DNAJC9: variants seen among roughly 807,000 people sequenced by gnomAD.
The protein encoded by DNAJC9 is dnaJ homolog subfamily C member 9.
A neutral mutation model predicts 32.4 loss-of-function variants in DNAJC9; 18 were observed. The observed-to-expected ratio is 0.56, with a 90% CI of 0.38 to 0.82. The LOEUF is 0.82. Among genes scored for constraint, DNAJC9 ranks in the 40% least tolerant of loss-of-function variants. The pLI, the probability that DNAJC9 is intolerant of heterozygous loss-of-function variation, is 0.00. For synonymous variants in DNAJC9, 113 were observed against 122.1 expected (o/e 0.93, Z 0.49); for missense variants, 310 against 321.8 (o/e 0.96, Z 0.28).
At chr10:73,243,821 G>A (rs771547794) in intron 4 of DNAJC9, 22 bp downstream of exon 4, 1 of 1,595,464 alleles carries the variant, frequency 6.3e-7, no homozygotes, top group South Asian at 1.1e-5. Context: ...TTAAAGATGT[G>A]GCAACAAACT....
At chr10:73,239,470 C>T, downstream of DNAJC9, 1 of 960,168 alleles carries the variant, frequency 1.0e-6, no homozygotes, top group Non-Finnish European at 1.6e-6. Flanking sequence ...CCTATTTCCC[C>T]TTCTTTCAGA....
At chr10:73,245,693 T>C (rs927727271) in intron 3 of DNAJC9, among the ~76,000 whole-genome samples, 2 of 152,228 alleles carry the variant, frequency 1.3e-5, no homozygotes, top group African/African-American at 4.8e-5. Context: ...GCTACTTTAC[T>C]ATGGTAATAT....
At chr10:73,246,653 G>GT (rs1384960011) in intron 2 of DNAJC9, 35 bp downstream of exon 2, 5 of 1,610,634 alleles carry the variant, frequency 3.1e-6, no homozygotes, top group East Asian at 2.2e-5. Context: ...TTGAATGATG[G>GT]TAACAGTCAC....
downstream of DNAJC9, chr10:73,235,449 A>G (rs1589195703): frequency 2.1e-6 from 3 of 1,457,208 alleles, no homozygotes; most frequent in East Asian, 7.5e-5. Context: ...TCCAACAATA[A>G]AAAGTGTTAT....
downstream of DNAJC9, chr10:73,241,139 T>C (rs2043943637): frequency 1.4e-6 from 1 of 702,226 alleles, no homozygotes; most frequent in Non-Finnish European, 2.5e-6. Flanking sequence ...TCATGAAGAG[T>C]GATTTTGGCA....
At chr10:73,236,856 C>T (rs2043835135), downstream of DNAJC9, among the ~76,000 whole-genome samples, 1 of 151,918 alleles carries the variant, frequency 6.6e-6, no homozygotes, top group African/African-American at 2.4e-5. Context: ...GCTGGGACTA[C>T]AGGCACATGC....
downstream of DNAJC9, among the ~76,000 whole-genome samples, chr10:73,238,313 C>A (rs575550191): frequency 6.6e-6 from 1 of 152,224 alleles, no homozygotes; most frequent in Non-Finnish European, 1.5e-5. Flanking sequence ...TGCCATTGCA[C>A]TCCAACCTGG....
intron 3 of DNAJC9, among the ~76,000 whole-genome samples, chr10:73,245,313 C>G (rs549172416): frequency 6.6e-5 from 10 of 152,122 alleles, no homozygotes; most frequent in South Asian, 4.1e-4. Context: ...GAGAATCTAA[C>G]GCCCGATGAT....
chr10:73,239,218 A>G (rs2043889807), downstream of DNAJC9: 4 of 1,044,808 alleles, frequency 3.8e-6, no homozygotes, highest in East Asian at 1.1e-4. Context: ...GCCTTTTACC[A>G]CTGTTGATTT....
intron 4 of DNAJC9, 143 bp downstream of exon 4, chr10:73,243,700 C>A: frequency 1.8e-6 from 2 of 1,112,156 alleles, no homozygotes; most frequent in Non-Finnish European, 1.3e-6. Flanking sequence ...CACTTAAAAC[C>A]ACCAAATTGT....
At chr10:73,246,547 T>A in intron 2 of DNAJC9, 141 bp downstream of exon 2, 1 of 917,834 alleles carries the variant, frequency 1.1e-6, no homozygotes, top group Non-Finnish European at 1.7e-6. Flanking sequence ...TAAGCGTGCG[T>A]GTATCTGTAT....
intron 4 of DNAJC9, 35 bp from the exon 5 acceptor site, chr10:73,243,554 A>T: frequency 6.2e-7 from 1 of 1,613,402 alleles, no homozygotes. Context: ...CTTTCACAAC[A>T]TTATCCATAG....
At chr10:73,244,883 G>A (rs2043989867) in intron 3 of DNAJC9, among the ~76,000 whole-genome samples, 1 of 152,152 alleles carries the variant, frequency 6.6e-6, no homozygotes, top group Non-Finnish European at 1.5e-5. Flanking sequence ...CCGTTTCCTT[G>A]TATTCAAATT....
downstream of DNAJC9, chr10:73,234,030 A>G (rs941262228): frequency 1.3e-5 from 2 of 152,230 alleles, no homozygotes; most frequent in African/African-American, 4.8e-5. Flanking sequence ...CATCATGCAA[A>G]AATACCTAGG....
At chr10:73,241,035 T>C (rs369415918), downstream of DNAJC9, 1 of 1,425,472 alleles carries the variant, frequency 7.0e-7, no homozygotes, top group Non-Finnish European at 9.6e-7. Flanking sequence ...ATGAGAAGAA[T>C]CTATCAGGCT....
chr10:73,246,611 G>C, intron 2 of DNAJC9, 77 bp downstream of exon 2: 1 of 1,502,476 alleles, frequency 6.7e-7, no homozygotes, highest in Middle Eastern at 1.8e-4. Flanking sequence ...CAAAATACAA[G>C]ATCTTAGAGG....
Position 73,245,972 on chromosome 10 carries a change from T to C in DNAJC9, c.526A>G (p.Asn176Asp). The change falls in exon 3 of 5, where the codon AAT (asparagine) becomes GAT (aspartate). Residue 176 changes from asparagine (N) to aspartate (D), a missense_variant. Coordinates refer to ENST00000372950, the MANE Select transcript of DNAJC9 (RefSeq NM_015190.5). ...AIDAGEVPSY[N>D]AFVKESKQKM... ...TGTTTCGATTCTTTGACAAAGGCAT[T>C]ATAGGATGGGACCTCTCCGGCGTCA... is the stretch of plus-strand genomic sequence containing the variant. 6.2e-7 allele frequency: 1 copy of C among 1,613,566 alleles called. No homozygotes were observed. The highest frequency in any genetic ancestry group is 8.5e-7 in the Non-Finnish European group (1 of 1,179,796).
At chr10:73,233,208 C>T in intron 2 of DNAJC9, 1 of 1,246,022 alleles carries the variant, frequency 8.0e-7, no homozygotes, top group African/African-American at 1.5e-5. Flanking sequence ...GTAAAACTAA[C>T]ACATTTTACA....
downstream of DNAJC9, among the ~76,000 whole-genome samples, chr10:73,237,667 C>T (rs554168509): frequency 1.6e-4 from 25 of 152,336 alleles, no homozygotes; most frequent in South Asian, 4.8e-3. Context: ...AGTGATCCAC[C>T]TACCTTGGCC....
Sources: allele counts gnomAD v4.1 joint callset (sites outside exome capture counted in the v4.1 genomes callset), GRCh38; gene constraint gnomAD v4.1.1; transcripts MANE v1.5; gene names NCBI Gene and HGNC (gene_info 2026-07-23, HGNC 2026-07-21).